The following SV2B variants were observed in gnomAD, a reference collection of about 807,000 sequenced individuals.
SV2B encodes the protein synaptic vesicle glycoprotein 2B, also known as solute carrier family 22 member B2.
In SV2B, 41 loss-of-function variants were observed where a neutral mutation model predicts 73.9. The observed-to-expected ratio is 0.56, with a 90% confidence interval of 0.43 to 0.72. The LOEUF (loss-of-function observed/expected upper bound fraction) is 0.72. Ranked by LOEUF, SV2B falls within the 30% of genes least tolerant of loss-of-function variation. The probability of loss-of-function intolerance (pLI) is 0.00; values close to 1 mark genes in which losing one functional copy is unlikely to be tolerated. For missense variants in SV2B, 764 were observed against 857.8 expected (o/e 0.89, Z 1.37); for synonymous variants, 314 against 314.2 (o/e 1.00, Z 0.01).
chr15:91,164,581 A>T (rs1375668374), intron 1 of SV2B, among the ~76,000 whole-genome samples: 1 of 152,230 alleles, frequency 6.6e-6, no homozygotes, highest in East Asian at 1.9e-4. Flanking sequence ...GAATTTCTTT[A>T]CATTAACATC....
In SV2B at chr15:91,302,483, T is replaced by C. The variant is rs1353805846; in HGVS notation, c.*9931T>C. On this transcript the variant is annotated 3_prime_UTR_variant, in exon 13 of 13. Coordinates refer to ENST00000394232, the MANE Select transcript of SV2B (RefSeq NM_001323032.3). ...AAGCATTTCGGTATTTTAACAAGTA[T>C]GAAAGTAGCTATGTGAATTTGCCAA... Among the ~76,000 whole-genome samples, 1 of 152,132 alleles carries C rather than the reference T, an allele frequency of 6.6e-6. No individual in the cohort carries two copies. The highest frequency in any genetic ancestry group is 1.5e-5 in the Non-Finnish European group (1 of 68,010).
intron 1 of SV2B, among the ~76,000 whole-genome samples, chr15:91,158,636 C>T (rs7169819): frequency 0.49 from 22,991 of 47,212 alleles, 6,360 homozygotes; most frequent in African/African-American, 0.58. Flanking sequence ...TATTTTCCCT[C>T]TTCTCTTCTC....
intron 2 of SV2B, among the ~76,000 whole-genome samples, chr15:91,247,442 G>T (rs1349525769): frequency 6.6e-6 from 1 of 152,178 alleles, no homozygotes; most frequent in Non-Finnish European, 1.5e-5. Flanking sequence ...AACAGGATGG[G>T]TGAAACGCTT....
intron 1 of SV2B, among the ~76,000 whole-genome samples, chr15:91,153,334 C>T (rs1039730980): frequency 2.6e-5 from 4 of 152,134 alleles, no homozygotes; most frequent in African/African-American, 9.7e-5. Flanking sequence ...CTGGTGCCAG[C>T]GTCACTGTGT....
intron 4 of SV2B, among the ~76,000 whole-genome samples, chr15:91,254,483 C>A (rs980660428): frequency 6.6e-6 from 1 of 152,106 alleles, no homozygotes. Context: ...GTGATCCACC[C>A]GCCTCAGCTT....
intron 1 of SV2B, among the ~76,000 whole-genome samples, chr15:91,177,971 A>T (rs1440697254): frequency 6.7e-6 from 1 of 149,142 alleles, no homozygotes; most frequent in African/African-American, 2.5e-5. Context: ...GTCTTGTGCC[A>T]GTTTTCAAAG....
chr15:91,249,436 A>G (rs2047394586), intron 2 of SV2B, among the ~76,000 whole-genome samples: 1 of 152,202 alleles, frequency 6.6e-6, no homozygotes, highest in Non-Finnish European at 1.5e-5. Context: ...TTTATTGTTT[A>G]TCTCCTTGAA....
In SV2B at chr15:91,139,811, T is replaced by C. The variant is rs2141182719; in HGVS notation, c.-392+39448T>C. Among the ~76,000 whole-genome samples, 1 of 152,210 alleles carries C rather than the reference T, an allele frequency of 6.6e-6. No individual in the cohort carries two copies. Among genetic ancestry groups the C allele is most frequent in the East Asian group, 1.9e-4 (1 of 5,178 alleles). ...TACTCAGATAATTAACAGGCGTCAG[T>C]TGGTTGTAAAAGACGTAAACTAAGA... On this transcript the variant is annotated intron_variant, in intron 1 of 12. Coordinates refer to ENST00000394232, the MANE Select transcript of SV2B (RefSeq NM_001323032.3). This position sits in a 1 kb window ranked among gnomAD's most constrained non-coding sequence, Gnocchi z 5.2.
rs75111445 is a variant in SV2B at position 91,128,086 on chromosome 15, T to C, written c.-392+27723T>C. Among the ~76,000 whole-genome samples, 2 of 152,280 alleles carry C rather than the reference T, an allele frequency of 1.3e-5. No homozygotes were observed. Among genetic ancestry groups the C allele is most frequent in the East Asian group, 3.9e-4 (2 of 5,178 alleles). ...GAAAGCTCTTATTATCATTGTCACG[T>C]TCATCCCAGGGACTCAAATTAAATC... On this transcript the variant is annotated intron_variant, in intron 1 of 12. Coordinates refer to ENST00000394232, the MANE Select transcript of SV2B (RefSeq NM_001323032.3). This position sits in a 1 kb window ranked among gnomAD's most constrained non-coding sequence, Gnocchi z 4.2.
chr15:91,159,243 G>C (rs2043623815), intron 1 of SV2B, among the ~76,000 whole-genome samples: 2 of 152,132 alleles, frequency 1.3e-5, no homozygotes, highest in Non-Finnish European at 2.9e-5. Flanking sequence ...GGGCTTAGCG[G>C]AAGAGCCATG....
intron 1 of SV2B, among the ~76,000 whole-genome samples, chr15:91,221,693 GCA>G (rs3082137): frequency 0.025 from 3,525 of 140,116 alleles, 63 homozygotes; most frequent in Non-Finnish European, 0.033. Context: ...AAGCATGTGC[GCA>G]CACACACACA....
At position 91,261,422 on chromosome 15, in the gene SV2B, A is replaced by T. The variant is rs979363752; in HGVS notation, c.1008+1013A>T. ...ATTTTAATAAACAGTAATGTTACAA[A>T]CATTAACATGGTTTTCCTAACATGT... On this transcript the variant is annotated intron_variant, in intron 6 of 12. Transcript: ENST00000394232. The surrounding 1 kb of genome is among the most constrained non-coding windows in gnomAD (Gnocchi z 4.7). Among the ~76,000 whole-genome samples, 1 of 152,198 alleles carries T rather than the reference A, an allele frequency of 6.6e-6. No homozygotes were observed. The highest frequency in any genetic ancestry group is 1.5e-5 in the Non-Finnish European group (1 of 68,038).
intron 6 of SV2B, among the ~76,000 whole-genome samples, chr15:91,262,561 G>C (rs1354560397): frequency 6.6e-6 from 1 of 152,038 alleles, no homozygotes; most frequent in Non-Finnish European, 1.5e-5. Context: ...TTGTCACCCA[G>C]GTATTAAGCC....
Position 91,179,156 on chromosome 15 carries a change from T to G in SV2B, c.-391-46717T>G, listed in dbSNP as rs569939636. 6.7e-3 allele frequency among the ~76,000 whole-genome samples: 1,023 copies of G among 152,284 alleles called. 15 individuals are homozygous for G. Among genetic ancestry groups the G allele is most frequent in the African/African-American group, 0.023 (970 of 41,552 alleles). ...TGCCTTCATTTTGTTATGTACCCAG[T>G]AGTCATTCAGGAGCAGATTGTTCAG... On this transcript the variant is annotated intron_variant, in intron 1 of 12. Coordinates refer to ENST00000394232, the MANE Select transcript of SV2B (RefSeq NM_001323032.3).
intron 1 of SV2B, among the ~76,000 whole-genome samples, chr15:91,202,755 C>T (rs1290508692): frequency 6.6e-6 from 1 of 152,112 alleles, no homozygotes; most frequent in Non-Finnish European, 1.5e-5. Context: ...CTCAACACTC[C>T]AGGGAGTGCT....
Position 91,147,907 on chromosome 15 carries a change from A to T in SV2B, c.-392+47544A>T, listed in dbSNP as rs145678863. ...GTATCATTGCAGCATTTAAGACAGG[A>T]AAAAGGATGGAAGAAACAACAGTTT... is the stretch of plus-strand genomic sequence containing the variant. On this transcript the variant is annotated intron_variant, in intron 1 of 12. Coordinates refer to ENST00000394232, the MANE Select transcript of SV2B (RefSeq NM_001323032.3). Among the ~76,000 whole-genome samples, 760 of 151,146 alleles carry T rather than the reference A, an allele frequency of 5.0e-3. 4 individuals carry two copies. The highest frequency in any genetic ancestry group is 0.017 in the African/African-American group (719 of 41,128).
chr15:91,258,720 C>G lies in SV2B; in HGVS notation c.918+166C>G, dbSNP rs1000146999. Among the ~76,000 whole-genome samples, 1 of 152,136 alleles carries G rather than the reference C, an allele frequency of 6.6e-6. No individual in the cohort carries two copies. Among genetic ancestry groups the G allele is most frequent in the African/African-American group, 2.4e-5 (1 of 41,426 alleles). On this transcript the variant is annotated intron_variant, in intron 5 of 12. Coordinates refer to ENST00000394232, the MANE Select transcript of SV2B (RefSeq NM_001323032.3). This position sits in a 1 kb window ranked among gnomAD's most constrained non-coding sequence, Gnocchi z 4.7. ...CATCATTGAATCTGGCACCTGCCGG[C>G]TGTGATGGTGGCAGGTCATGGATTC... is the stretch of plus-strand genomic sequence containing the variant.
At chr15:91,287,116 A>G (rs1596795918) in intron 11 of SV2B, among the ~76,000 whole-genome samples, 1 of 152,162 alleles carries the variant, frequency 6.6e-6, no homozygotes, top group Non-Finnish European at 1.5e-5. Flanking sequence ...GCTTTTGGAA[A>G]AAGGTTACCA....
rs150512068 is a variant in SV2B, at chr15:91,289,667, C to T, written c.1855C>T (p.Pro619Ser). The change falls in exon 12 of 13, where the codon CCC (proline) becomes TCC (serine). Residue 619 changes from proline to serine, a missense_variant. Physicochemically the swap from Pro to Ser is moderately conservative, Grantham distance 74. Transcript: ENST00000394232. The surrounding 1 kb of genome is among the most constrained non-coding windows in gnomAD (Gnocchi z 4.9). ...ALDVITVELY[P>S]TNQRATAFGI... Reference sequence around the variant, plus strand: ...GGATGTGATCACAGTGGAGCTGTATCCCACCAACCAGAGGTCAGTTCTTCC... The same window carrying T: ...GGATGTGATCACAGTGGAGCTGTATTCCACCAACCAGAGGTCAGTTCTTCC... 1.1e-4 allele frequency: 170 copies of T among 1,613,060 alleles called. No individual in the cohort carries two copies. The highest frequency in any genetic ancestry group is 3.1e-4 in the African/African-American group (23 of 75,026).
Sources: gnomAD v4.1 joint callset for allele counts (sites outside exome capture counted in the v4.1 genomes callset) on GRCh38, gnomAD v4.1.1 for gene constraint, Gnocchi (gnomAD v3.1) non-coding constraint, MANE v1.5 for transcripts, NCBI Gene and HGNC (gene_info 2026-07-23, HGNC 2026-07-21) for gene names.